The following LEPR variants were observed in gnomAD, a reference collection of about 807,000 sequenced individuals.
LEPR encodes the protein leptin receptor.
LEPR carries 56 observed loss-of-function variants against 114.7 expected under a neutral mutation model. That is an observed-to-expected ratio of 0.49 (90% CI 0.39 to 0.61). LEPR has a LOEUF of 0.61. LEPR is among the 20% of genes least tolerant of loss of function. The pLI is 0.00. For synonymous variants in LEPR, 443 were observed against 461.4 expected, an observed-to-expected ratio of 0.96 and a Z score of 0.51; for missense variants, 1,202 against 1,352.9, an observed-to-expected ratio of 0.89 and a Z score of 1.75.
At chr1:65,568,233 A>C (rs950846507) in intron 3 of LEPR, among the ~76,000 whole-genome samples, 3 of 151,972 alleles carry the variant, frequency 2.0e-5, no homozygotes, top group African/African-American at 7.2e-5. Flanking sequence ...TGTTTCCTCC[A>C]TGTCTTTTTT....
chr1:65,510,676 A>T (rs1330488664), intron 2 of LEPR, among the ~76,000 whole-genome samples: 1 of 152,162 alleles, frequency 6.6e-6, no homozygotes, highest in Non-Finnish European at 1.5e-5. Flanking sequence ...AGCGCAGACT[A>T]GGATTGAATT....
chr1:65,509,360 T>C (rs987972455), intron 2 of LEPR, among the ~76,000 whole-genome samples: 11 of 152,182 alleles, frequency 7.2e-5, no homozygotes, highest in Non-Finnish European at 1.2e-4. Context: ...AGGAACATTC[T>C]TTCTACTCTG....
At chr1:65,534,629 A>C (rs1026450636) in intron 2 of LEPR, among the ~76,000 whole-genome samples, 3 of 152,226 alleles carry the variant, frequency 2.0e-5, no homozygotes, top group Non-Finnish European at 4.4e-5. Context: ...GAAAGAGATT[A>C]GGAGTGCCGA....
intron 2 of LEPR, among the ~76,000 whole-genome samples, chr1:65,477,967 T>G (rs1647177280): frequency 6.6e-6 from 1 of 152,220 alleles, no homozygotes; most frequent in Non-Finnish European, 1.5e-5. Context: ...ACTATTTTTG[T>G]TCAACCAAAT....
intron 16 of LEPR, among the ~76,000 whole-genome samples, chr1:65,618,390 A>G (rs924646033): frequency 2.6e-5 from 4 of 152,150 alleles, no homozygotes; most frequent in African/African-American, 9.6e-5. Flanking sequence ...CAGTGGAACA[A>G]ACATGGCTCA....
At position 65,543,306 on chromosome 1, in the gene LEPR, G is replaced by T. The variant is rs910578636; in HGVS notation, c.-20-22240G>T. ...ATATCCTTTGCCCACCTTTTGATGG[G>T]GTTGTTTGTTTTTTTCTTATAAATT... On this transcript the variant is annotated intron_variant, in intron 2 of 19. Transcript: ENST00000349533. Among the ~76,000 whole-genome samples, 4 of 151,818 alleles carry T rather than the reference G, an allele frequency of 2.6e-5. No individual in the cohort carries two copies. The East Asian group carries it at 7.7e-4, about 29-fold the overall frequency.
chr1:65,546,079 G>A (rs1325963742), intron 2 of LEPR, among the ~76,000 whole-genome samples: 1 of 151,932 alleles, frequency 6.6e-6, no homozygotes, highest in Non-Finnish European at 1.5e-5. Flanking sequence ...TTTCCCCATT[G>A]CTTGTTTTTC....
intron 2 of LEPR, among the ~76,000 whole-genome samples, chr1:65,564,065 G>A (rs1457639931): frequency 3.4e-5 from 5 of 145,586 alleles, no homozygotes; most frequent in African/African-American, 1.3e-4. Flanking sequence ...GCCTCCTTGA[G>A]CTGTGGTGGG....
At position 65,633,589 on chromosome 1, in the gene LEPR, T is replaced by A. The variant is rs1570867595; in HGVS notation, c.2674-2602T>A. 3.0e-6 allele frequency: 3 copies of A among 991,426 alleles called. No individual in the cohort carries two copies. In the East Asian group the frequency reaches 3.2e-4, roughly 105 times the overall value. The allele number at this position is 991,426 out of a possible 1,614,324, so 61.4% of individuals were successfully genotyped here. ...AACTGCAACATCTGACAAATAGCTTTAAAAATACAATGATTATAAGTATGG... is the reference window on the plus strand; with the variant it reads ...AACTGCAACATCTGACAAATAGCTTAAAAAATACAATGATTATAAGTATGG... On this transcript the variant is annotated intron_variant, in intron 19 of 19. Transcript: ENST00000349533. The surrounding 1 kb of genome is among the most constrained non-coding windows in gnomAD (Gnocchi z 4.1).
intron 2 of LEPR, among the ~76,000 whole-genome samples, chr1:65,471,423 G>C (rs1647081560): frequency 6.6e-6 from 1 of 152,166 alleles, no homozygotes; most frequent in Non-Finnish European, 1.5e-5. Context: ...GAGATAATTT[G>C]TACTTTCCCA....
intron 2 of LEPR, chr1:65,433,413 T>G: frequency 1.0e-6 from 1 of 985,434 alleles, no homozygotes; most frequent in Non-Finnish European, 1.2e-6. Flanking sequence ...TGCTCACCTT[T>G]TTGTCTAAGA....
chr1:65,576,988 G>T, intron 5 of LEPR: 1 of 305,906 alleles, frequency 3.3e-6, no homozygotes. Context: ...GACTTTGTTG[G>T]TGCTGTGGCT....
intron 5 of LEPR, among the ~76,000 whole-genome samples, chr1:65,575,087 A>G (rs759017401): frequency 2.0e-5 from 3 of 152,202 alleles, no homozygotes; most frequent in African/African-American, 7.2e-5. Flanking sequence ...ACTGGGACCA[A>G]CTGCTGCTGC....
intron 2 of LEPR, among the ~76,000 whole-genome samples, chr1:65,437,701 G>A (rs1468480027): frequency 6.6e-6 from 1 of 152,088 alleles, no homozygotes; most frequent in Non-Finnish European, 1.5e-5. Flanking sequence ...TAAAGTATAT[G>A]ATACGGTAGG....
intron 5 of LEPR, among the ~76,000 whole-genome samples, chr1:65,582,440 A>G (rs11208676): frequency 0.3 from 45,756 of 151,982 alleles, 7,787 homozygotes; most frequent in East Asian, 0.83. Flanking sequence ...CTCCCTGGCT[A>G]TCGGCTGGAG....
chr1:65,512,096 T>C (rs963487350), intron 2 of LEPR, among the ~76,000 whole-genome samples: 7 of 151,850 alleles, frequency 4.6e-5, no homozygotes, highest in Non-Finnish European at 8.8e-5. Context: ...AAGGGGGAGA[T>C]GCTACACACT....
chr1:65,464,909 C>A (rs1646990288), intron 2 of LEPR, among the ~76,000 whole-genome samples: 1 of 151,534 alleles, frequency 6.6e-6, no homozygotes, highest in Admixed American at 6.6e-5. Flanking sequence ...CAATTTGATT[C>A]TTCTCTCTTT....
At chr1:65,453,927 G>A (rs1241700726) in intron 2 of LEPR, among the ~76,000 whole-genome samples, 1 of 151,246 alleles carries the variant, frequency 6.6e-6, no homozygotes, top group South Asian at 2.1e-4. Context: ...AAGTCTCTTT[G>A]TAGGTCACTC....
intron 2 of LEPR, among the ~76,000 whole-genome samples, chr1:65,518,001 T>C (rs903794922): frequency 2.0e-5 from 3 of 152,216 alleles, no homozygotes; most frequent in Non-Finnish European, 2.9e-5. Flanking sequence ...TCCTCCTAAA[T>C]GTAGTTTTCT....
Sources: allele counts gnomAD v4.1 joint callset (sites outside exome capture counted in the v4.1 genomes callset), GRCh38; gene constraint gnomAD v4.1.1; non-coding constraint Gnocchi (gnomAD v3.1); transcripts MANE v1.5; gene names NCBI Gene and HGNC (gene_info 2026-07-23, HGNC 2026-07-21).